The following HPSE2 variants were observed in gnomAD, a reference collection of about 807,000 sequenced individuals.
HPSE2 encodes heparanase 2 (inactive), also known as inactive heparanase-2.
HPSE2 carries 38 observed loss-of-function variants against 60.5 expected under a neutral mutation model. The ratio of observed to expected loss-of-function variants is 0.63; its 90% CI spans 0.48 to 0.82. The LOEUF is 0.82. Among genes scored for constraint, HPSE2 ranks in the 40% least tolerant of loss-of-function variants. The probability of loss-of-function intolerance (pLI) is 0.00; values close to 1 mark genes in which losing one functional copy is unlikely to be tolerated. For missense variants in HPSE2, 713 were observed against 740.4 expected, an observed-to-expected ratio of 0.96 and a Z score of 0.43; for synonymous variants, 295 against 293.2, an observed-to-expected ratio of 1.01 and a Z score of -0.06.
rs569799766 is a variant in HPSE2 at position 98,952,667 on chromosome 10, T to C, written c.610+191571A>G. On this transcript the variant is annotated intron_variant, in intron 3 of 11. Transcript: ENST00000370552. ...TAAGTGGTTTAAACAACAGAAATTA[T>C]TTTCTCACAATTCTGGAGGCTGGAA... is the stretch of plus-strand genomic sequence containing the variant. Among the ~76,000 whole-genome samples, 8 of 152,246 alleles carry C rather than the reference T, an allele frequency of 5.3e-5. No homozygotes were observed. In the South Asian group the frequency reaches 1.7e-3, roughly 32 times the overall value.
chr10:99,098,894 G>A (rs748024236), intron 3 of HPSE2, among the ~76,000 whole-genome samples: 1 of 152,158 alleles, frequency 6.6e-6, no homozygotes, highest in Non-Finnish European at 1.5e-5. Flanking sequence ...AGTACATAAA[G>A]AGCAGGTCTG....
At chr10:99,018,820 C>T (rs536450056) in intron 3 of HPSE2, among the ~76,000 whole-genome samples, 1 of 152,244 alleles carries the variant, frequency 6.6e-6, no homozygotes, top group South Asian at 2.1e-4. Flanking sequence ...TTTTCAAAAT[C>T]GACTCGAAGA....
At chr10:99,034,232 G>T (rs185983075) in intron 3 of HPSE2, among the ~76,000 whole-genome samples, 172 of 152,146 alleles carry the variant, frequency 1.1e-3, no homozygotes, top group African/African-American at 4.0e-3. Flanking sequence ...AGATCCAAAA[G>T]CCTGGTTGTA....
chr10:99,235,690 G>A lies in HPSE2; in HGVS notation c.113C>T (p.Ser38Phe). ...YLALLLHLSLSSQAGDRRPLP... is the reference protein window; with the variant it reads ...YLALLLHLSLFSQAGDRRPLP... ...GGGTCTCCTGTCTCCAGCCTGGGAG[G>A]AAAGGGAGAGATGGAGCAACAGAGC... The change falls in exon 1 of 12, where the codon TCC becomes TTC. Residue 38 changes from serine (S) to phenylalanine (F), a missense_variant. Coordinates refer to ENST00000370552, the MANE Select transcript of HPSE2 (RefSeq NM_021828.5). 3.7e-6 allele frequency: 6 copies of A among 1,614,064 alleles called. No homozygotes were observed. The highest frequency in any genetic ancestry group is 5.1e-6 in the Non-Finnish European group (6 of 1,180,020).
At chr10:98,964,805 T>C (rs1333879845) in intron 3 of HPSE2, among the ~76,000 whole-genome samples, 1 of 152,200 alleles carries the variant, frequency 6.6e-6, no homozygotes, top group African/African-American at 2.4e-5. Context: ...TTATACGTCT[T>C]GTTATCATCA....
intron 3 of HPSE2, among the ~76,000 whole-genome samples, chr10:99,022,060 T>A (rs1193707181): frequency 9.2e-6 from 1 of 109,152 alleles, no homozygotes; most frequent in African/African-American, 3.6e-5. Context: ...CCCCACAACC[T>A]GGTTTTAACT....
intron 9 of HPSE2, among the ~76,000 whole-genome samples, chr10:98,545,474 T>A (rs1233124692): frequency 1.3e-5 from 2 of 152,186 alleles, no homozygotes; most frequent in Non-Finnish European, 1.5e-5. Context: ...GTGGGCTTCA[T>A]CCCTGGGATG....
chr10:98,510,633 C>T (rs1274105495), intron 9 of HPSE2, among the ~76,000 whole-genome samples: 2 of 152,152 alleles, frequency 1.3e-5, no homozygotes, highest in African/African-American at 2.4e-5. Flanking sequence ...TGCGTTGTGG[C>T]CCTGGACTCT....
chr10:98,945,115 A>G (rs1459170901), intron 3 of HPSE2, among the ~76,000 whole-genome samples: 1 of 152,156 alleles, frequency 6.6e-6, no homozygotes, highest in Non-Finnish European at 1.5e-5. Flanking sequence ...GCTGAAATCA[A>G]TATACCTTTT....
chr10:98,726,311 A>C (rs973051652), intron 4 of HPSE2, among the ~76,000 whole-genome samples: 33 of 152,130 alleles, frequency 2.2e-4, no homozygotes, highest in South Asian at 2.1e-4. Flanking sequence ...AGCCATAAAA[A>C]ATGATGAGTT....
In HPSE2 at chr10:98,640,688, G is replaced by A. The variant is rs189289504; in HGVS notation, c.1098+1159C>T. On this transcript the variant is annotated intron_variant, in intron 7 of 11. Transcript: ENST00000370552. ...GCAAAGATTTGTTTAATCCGCTCGA[G>A]AAATAGCCAACTATTCAAAGGGTCC... Among the ~76,000 whole-genome samples the A allele has an allele frequency of 4.5e-4, 68 of 152,242 alleles. 1 individual carries two copies. The East Asian group carries it at 0.011, about 24-fold the overall frequency.
intron 3 of HPSE2, among the ~76,000 whole-genome samples, chr10:98,768,708 C>T (rs1950177998): frequency 6.6e-6 from 1 of 152,134 alleles, no homozygotes; most frequent in Non-Finnish European, 1.5e-5. Flanking sequence ...TTGGACAAAT[C>T]ATTTAACTCT....
At chr10:98,623,376 T>C (rs1946123744) in intron 7 of HPSE2, among the ~76,000 whole-genome samples, 1 of 152,100 alleles carries the variant, frequency 6.6e-6, no homozygotes, top group South Asian at 2.1e-4. Context: ...CAGTATGAGG[T>C]TTCTTTTGGA....
intron 6 of HPSE2, among the ~76,000 whole-genome samples, chr10:98,643,285 G>C (rs1365539049): frequency 6.6e-6 from 1 of 152,122 alleles, no homozygotes; most frequent in Admixed American, 6.6e-5. Context: ...TTCTCCTCAG[G>C]CTTGAGAATT....
chr10:98,602,979 T>C (rs973281499), intron 9 of HPSE2, among the ~76,000 whole-genome samples: 3 of 152,180 alleles, frequency 2.0e-5, no homozygotes, highest in Admixed American at 2.0e-4. Context: ...AAGGACACCA[T>C]CAAGAAAATA....
intron 9 of HPSE2, among the ~76,000 whole-genome samples, chr10:98,512,910 A>G (rs1487726678): frequency 6.6e-6 from 1 of 151,776 alleles, no homozygotes; most frequent in Admixed American, 6.6e-5. Context: ...GCCTTCTTGG[A>G]CCACCCACAT....
chr10:99,239,895 A>T (rs1270817359), upstream of HPSE2, among the ~76,000 whole-genome samples: 2 of 152,172 alleles, frequency 1.3e-5, no homozygotes, highest in Non-Finnish European at 2.9e-5. Flanking sequence ...ATTTAGCTTT[A>T]TGAAAAATCC....
At chr10:99,141,000 G>A (rs939567737) in intron 3 of HPSE2, among the ~76,000 whole-genome samples, 9 of 152,178 alleles carry the variant, frequency 5.9e-5, no homozygotes, top group African/African-American at 1.9e-4. Context: ...TTGTGCCACT[G>A]CACTCCAGCC....
Position 98,918,296 on chromosome 10 carries a change from A to G in HPSE2, c.611-174240T>C, listed in dbSNP as rs185112161. Among the ~76,000 whole-genome samples the G allele has an allele frequency of 9.7e-4, 147 of 152,274 alleles. No individual in the cohort carries two copies. The East Asian group carries it at 0.027, about 28-fold the overall frequency. On this transcript the variant is annotated intron_variant, in intron 3 of 11. Transcript: ENST00000370552. ...CGATTCCTCAGGGATCTAGAACTAGAAATACCATTTGACCCAGCCATCCCA... is the reference window on the plus strand; with the variant it reads ...CGATTCCTCAGGGATCTAGAACTAGGAATACCATTTGACCCAGCCATCCCA...
Sources: allele counts gnomAD v4.1 joint callset (sites outside exome capture counted in the v4.1 genomes callset), GRCh38; gene constraint gnomAD v4.1.1; transcripts MANE v1.5; gene names NCBI Gene and HGNC (gene_info 2026-07-23, HGNC 2026-07-21).